Variants in TRPC1 observed in about 807,000 individuals in gnomAD.
TRPC1 encodes transient receptor potential cation channel subfamily C member 1.
Under a neutral mutation model 88.2 loss-of-function variants are expected in TRPC1, and 42 were observed. The ratio of observed to expected loss-of-function variants is 0.48; its 90% CI spans 0.37 to 0.62. The LOEUF is 0.62. TRPC1 is among the 20% of genes least tolerant of loss of function. TRPC1 has a pLI of 0.00. For synonymous variants in TRPC1, 288 were observed against 331.8 expected (o/e 0.87, Z 1.43); for missense variants, 699 against 957.3 (o/e 0.73, Z 3.56).
chr3:142,751,344 T>C (rs1934756082), intron 4 of TRPC1, among the ~76,000 whole-genome samples: 1 of 152,204 alleles, frequency 6.6e-6, no homozygotes, highest in African/African-American at 2.4e-5. Context: ...TTTCTATGTT[T>C]AGATATGCAA....
rs887863702 is a variant in TRPC1 at position 142,801,673 on chromosome 3, A to T, written c.1582-496A>T. On this transcript the variant is annotated intron_variant, in intron 9 of 12. Coordinates refer to ENST00000476941, the MANE Select transcript of TRPC1 (RefSeq NM_001251845.2). ...GAAAGAAAATCTATCACTTCAGCAAAAGAAATTAGGGCAGTCCCATAGGAG... is the reference window on the plus strand; with the variant it reads ...GAAAGAAAATCTATCACTTCAGCAATAGAAATTAGGGCAGTCCCATAGGAG... Among the ~76,000 whole-genome samples the T allele has an allele frequency of 5.9e-5, 9 of 152,250 alleles. No homozygotes were observed. In the East Asian group the frequency reaches 1.5e-3, roughly 26 times the overall value.
At chr3:142,745,449 G>T (rs1934508277) in intron 3 of TRPC1, among the ~76,000 whole-genome samples, 1 of 152,110 alleles carries the variant, frequency 6.6e-6, no homozygotes, top group South Asian at 2.1e-4. Context: ...TTCAAGACTA[G>T]CCTGACCAAT....
chr3:142,759,513 T>G (rs1041262377), intron 4 of TRPC1, among the ~76,000 whole-genome samples: 2 of 152,230 alleles, frequency 1.3e-5, no homozygotes, highest in Non-Finnish European at 2.9e-5. Flanking sequence ...GCCCACTTTT[T>G]GATGGGGTTG....
chr3:142,741,532 T>G, intron 2 of TRPC1, among the ~76,000 whole-genome samples: 1 of 152,212 alleles, frequency 6.6e-6, no homozygotes, highest in South Asian at 2.1e-4. Context: ...GCATTGATAG[T>G]GATTTTGCTG....
chr3:142,724,351 C>A lies in TRPC1; in HGVS notation c.-209C>A. The A allele has an allele frequency of 2.6e-6, 1 of 387,398 alleles. No individual in the cohort carries two copies. The highest frequency in any genetic ancestry group is 4.5e-6 in the Non-Finnish European group (1 of 224,592). 24.0% of individuals were successfully genotyped at this position (387,398 alleles called of 1,614,324 possible). On this transcript the variant is annotated 5_prime_UTR_variant, in exon 1 of 13. Transcript: ENST00000476941. The surrounding 1 kb of genome is among the most constrained non-coding windows in gnomAD (Gnocchi z 5.6). Reference sequence around the variant, plus strand: ...CGCTGGCCCCGGGGCCGCGCATGCGCCGCCACCAACTTGGGGCTGTCAGTG... The same window carrying A: ...CGCTGGCCCCGGGGCCGCGCATGCGACGCCACCAACTTGGGGCTGTCAGTG...
chr3:142,764,685 T>C (rs1935323162), intron 4 of TRPC1, among the ~76,000 whole-genome samples: 1 of 152,162 alleles, frequency 6.6e-6, no homozygotes, highest in Non-Finnish European at 1.5e-5. Context: ...GTAGCTGATT[T>C]TAGGGTATTC....
intron 9 of TRPC1, among the ~76,000 whole-genome samples, chr3:142,796,898 T>A (rs1052400217): frequency 6.6e-6 from 1 of 152,132 alleles, no homozygotes; most frequent in Non-Finnish European, 1.5e-5. Context: ...GTTTTACTCC[T>A]GCTGTCCAAG....
rs1935764346 is a variant in TRPC1, at chr3:142,776,229, A to G, written c.633-1403A>G. 6.6e-6 allele frequency among the ~76,000 whole-genome samples: 1 copy of G among 152,186 alleles called. No homozygotes were observed. The highest frequency in any genetic ancestry group is 2.1e-4 in the South Asian group (1 of 4,830). ...GAAAATATCAGGGAGGACATGCACA[A>G]TTCTCTGTAAAATGACGAGTTTTGA... On this transcript the variant is annotated intron_variant, in intron 4 of 12. Coordinates refer to ENST00000476941, the MANE Select transcript of TRPC1 (RefSeq NM_001251845.2). The surrounding 1 kb of genome is among the most constrained non-coding windows in gnomAD (Gnocchi z 4.1).
chr3:142,792,753 C>A lies in TRPC1; in HGVS notation c.1438-71C>A. The stretch of plus-strand genomic sequence containing the variant: ...ATTAAAATGGCTTTCTTTCAACAGT[C>A]AGAATATTTGCTTTTATTTTCCTAA... On this transcript the variant is annotated intron_variant, in intron 8 of 12. Transcript: ENST00000476941. The surrounding 1 kb of genome is among the most constrained non-coding windows in gnomAD (Gnocchi z 4.0). The A allele has an allele frequency of 7.0e-7, 1 of 1,420,058 alleles. No homozygotes were observed. Among genetic ancestry groups the A allele is most frequent in the Non-Finnish European group, 9.3e-7 (1 of 1,078,456 alleles). 88.0% of individuals were successfully genotyped at this position (1,420,058 alleles called of 1,614,324 possible).
intron 4 of TRPC1, among the ~76,000 whole-genome samples, chr3:142,773,135 G>T (rs989777167): frequency 3.3e-5 from 5 of 152,146 alleles, no homozygotes; most frequent in African/African-American, 4.8e-5. Context: ...AATTTGGAGG[G>T]ATACAATTCA....
At chr3:142,743,038 C>T (rs1934410860) in intron 2 of TRPC1, among the ~76,000 whole-genome samples, 1 of 152,114 alleles carries the variant, frequency 6.6e-6, no homozygotes, top group Admixed American at 6.6e-5. Flanking sequence ...TCCCTATATT[C>T]CTGTTTGCAT....
At chr3:142,731,025 C>T (rs1933882474) in intron 1 of TRPC1, among the ~76,000 whole-genome samples, 1 of 152,156 alleles carries the variant, frequency 6.6e-6, no homozygotes. Flanking sequence ...AGTATTGTAA[C>T]ATTTCTCCAT....
chr3:142,773,627 A>T lies in TRPC1; in HGVS notation c.633-4005A>T, dbSNP rs558505935. On this transcript the variant is annotated intron_variant, in intron 4 of 12. Transcript: ENST00000476941. The stretch of plus-strand genomic sequence containing the variant: ...AGGGGGTATGGGTCATACTTTTCCC[A>T]TTTCTTTGCATGTCCCTTAATTTTT... 5.0e-3 allele frequency among the ~76,000 whole-genome samples: 598 copies of T among 119,638 alleles called. 4 individuals carry two copies. Among genetic ancestry groups the T allele is most frequent in the Non-Finnish European group, 6.5e-3 (372 of 57,046 alleles). 78.5% of individuals were successfully genotyped at this position (119,638 alleles called of 152,430 possible). A position where few individuals can be genotyped will look rare whatever the true frequency, so the allele number is the denominator to read the frequency against.
chr3:142,804,605 AG>A lies in TRPC1; in HGVS notation c.2131del (p.Val711SerfsTer7). 6.2e-7 allele frequency: 1 copy of A among 1,605,834 alleles called. No individual in the cohort carries two copies. On this transcript the variant is annotated frameshift_variant, in exon 12 of 13. Coordinates refer to ENST00000476941, the MANE Select transcript of TRPC1 (RefSeq NM_001251845.2). LOFTEE classifies it high-confidence loss of function. ...ATTTGCTCTCATACATCAAAAGGCA[AG>A]GTCAAACGGCAAAACAGTTTAAAGG... is the stretch of plus-strand genomic sequence containing the variant. Reference protein sequence around the residue: ...KWICSHTSKGKVKRQNSLKEW... With the variant: ...KWICSHTSKGXVKRQNSLKEW...
intron 4 of TRPC1, among the ~76,000 whole-genome samples, chr3:142,775,193 A>C (rs761065142): frequency 2.0e-5 from 3 of 152,204 alleles, no homozygotes; most frequent in African/African-American, 4.8e-5. Flanking sequence ...AAAATGCATT[A>C]TATGGGATTA....
chr3:142,750,815 A>G lies in TRPC1; in HGVS notation c.632+2355A>G, dbSNP rs576906603. 2.2e-4 allele frequency among the ~76,000 whole-genome samples: 33 copies of G among 152,336 alleles called. No homozygotes were observed. In the East Asian group the frequency reaches 6.4e-3, roughly 29 times the overall value. ...TCATTCTCAGCAAACTAACACAGGA[A>G]TGAAAAACCAAACACTGCATGTCTC... is the stretch of plus-strand genomic sequence containing the variant. On this transcript the variant is annotated intron_variant, in intron 4 of 12. Coordinates refer to ENST00000476941, the MANE Select transcript of TRPC1 (RefSeq NM_001251845.2).
intron 2 of TRPC1, 86 bp from the exon 3 acceptor site, chr3:142,743,399 A>C: frequency 9.1e-7 from 1 of 1,096,100 alleles, no homozygotes; most frequent in Non-Finnish European, 1.3e-6. Flanking sequence ...TTAAATTTTT[A>C]AAAAGTTTTA....
rs189471065 is a variant in TRPC1 at position 142,779,842 on chromosome 3, C to G, written c.765-992C>G. Among the ~76,000 whole-genome samples, 80 of 150,098 alleles carry G rather than the reference C, an allele frequency of 5.3e-4. 1 individual carries two copies. The highest frequency in any genetic ancestry group is 1.9e-3 in the African/African-American group (77 of 40,978). On this transcript the variant is annotated intron_variant, in intron 5 of 12. Coordinates refer to ENST00000476941, the MANE Select transcript of TRPC1 (RefSeq NM_001251845.2). ...TTCTTAAGTTATGATTAAGCTTAGACATAAAGTTAATGTAATTGATTTTTT... is the reference window on the plus strand; with the variant it reads ...TTCTTAAGTTATGATTAAGCTTAGAGATAAAGTTAATGTAATTGATTTTTT...
intron 4 of TRPC1, among the ~76,000 whole-genome samples, chr3:142,753,821 A>G (rs1934864659): frequency 6.6e-6 from 1 of 151,492 alleles, no homozygotes. Flanking sequence ...ATGGCTGGAC[A>G]TGGTGGCTCA....
Sources: allele counts gnomAD v4.1 joint callset (sites outside exome capture counted in the v4.1 genomes callset), GRCh38; gene constraint gnomAD v4.1.1; non-coding constraint Gnocchi (gnomAD v3.1); transcripts MANE v1.5; gene names NCBI Gene and HGNC (gene_info 2026-07-23, HGNC 2026-07-21).